SECISBP2: variants seen among roughly 807,000 people sequenced by gnomAD.
SECISBP2 encodes the protein selenocysteine insertion sequence-binding protein 2.
In SECISBP2, 96 loss-of-function variants were observed where a neutral mutation model predicts 98.2. The observed-to-expected ratio is 0.98, with a 90% CI of 0.83 to 1.16. The LOEUF is 1.16. SECISBP2 is among the 50% of genes most tolerant of loss of function. SECISBP2 has a pLI of 0.00. For missense variants in SECISBP2, 1,046 were observed against 1,022.9 expected (o/e 1.02, Z -0.31); for synonymous variants, 407 against 370.2 (o/e 1.10, Z -1.14).
intron 10 of SECISBP2, among the ~76,000 whole-genome samples, chr9:89,346,244 G>T (rs1830401096): frequency 6.6e-6 from 1 of 152,134 alleles, no homozygotes; most frequent in African/African-American, 2.4e-5. Flanking sequence ...ATTGAGATGG[G>T]AAATAGAACA....
intron 2 of SECISBP2, among the ~76,000 whole-genome samples, chr9:89,320,355 CAAA>C (rs776426275): frequency 3.0e-3 from 158 of 51,926 alleles, no homozygotes; most frequent in African/African-American, 9.2e-3. Flanking sequence ...GACTCTGTCT[CAAA>C]AAAAAAAAAA....
Position 89,346,944 on chromosome 9 carries a change from C to T in SECISBP2, c.1498C>T (p.Gln500Ter). The part of the protein sequence containing the change: ...ASGERGRRMS[Q>*]MKTPHNPLDS... ...AGGGGAGAGAGGCCGCCGCATGAGT[C>T]AAATGAAGACCCCGCACAATCCCTT... The change falls in exon 11 of 17, where the codon CAA becomes TAA. Residue 500 changes from glutamine to a stop codon, truncating the protein, a stop_gained. Transcript: ENST00000375807. LOFTEE classifies it high-confidence loss of function. The T allele has an allele frequency of 6.2e-7, 1 of 1,614,146 alleles. No individual in the cohort carries two copies. Among genetic ancestry groups the T allele is most frequent in the Non-Finnish European group, 8.5e-7 (1 of 1,180,034 alleles).
downstream of SECISBP2, chr9:89,363,685 T>G (rs1396545224): frequency 6.3e-7 from 1 of 1,595,248 alleles, no homozygotes; most frequent in African/African-American, 1.3e-5. Flanking sequence ...ACTGCCATTG[T>G]AAATAGTGAA....
At chr9:89,323,906 T>G (rs1388461813) in intron 2 of SECISBP2, 1 of 152,150 alleles carries the variant, frequency 6.6e-6, no homozygotes, top group Non-Finnish European at 1.5e-5. Context: ...GAAAACTGGA[T>G]TGTGATTGAG....
intron 13 of SECISBP2, among the ~76,000 whole-genome samples, chr9:89,350,298 G>T (rs749075108): frequency 1.3e-5 from 2 of 152,138 alleles, no homozygotes; most frequent in Non-Finnish European, 2.9e-5. Context: ...CTTCTCCCCT[G>T]CCCACTTTTC....
At chr9:89,359,877 T>TG (rs1832630491), downstream of SECISBP2, among the ~76,000 whole-genome samples, 1 of 152,324 alleles carries the variant, frequency 6.6e-6, no homozygotes, top group East Asian at 1.9e-4. Context: ...AACCTGCACT[T>TG]GCGTTTTCAC....
rs374023788 is a variant in SECISBP2 at position 89,318,584 on chromosome 9, C to A, written c.8C>A (p.Ser3Ter). The A allele has an allele frequency of 6.8e-7, 1 of 1,480,100 alleles. No homozygotes were observed. Among genetic ancestry groups the A allele is most frequent in the South Asian group, 1.3e-5 (1 of 77,700 alleles). The allele number at this position is 1,480,100 out of a possible 1,614,324, so 91.7% of individuals were successfully genotyped here. A position where few individuals can be genotyped will look rare whatever the true frequency, so the allele number is the denominator to read the frequency against. The change falls in exon 1 of 17, where the codon TCG becomes TAG. Residue 3 changes from serine to a stop codon, truncating the protein, a stop_gained. Transcript: ENST00000375807. LOFTEE classifies it high-confidence loss of function. The part of the protein sequence containing the change: MA[S>*]EGPREPESEG... The stretch of plus-strand genomic sequence containing the variant: ...TCCTCCGCGCCTCGCGGCATGGCGT[C>A]GGAGGGGCCGCGGGAGCCCGAAAGC...
At position 89,350,500 on chromosome 9, in the gene SECISBP2, G is replaced by A. The variant is rs887335486; in HGVS notation, c.1893-132G>A. On this transcript the variant is annotated intron_variant, in intron 13 of 16. Transcript: ENST00000375807. The stretch of plus-strand genomic sequence containing the variant: ...AATCATCAGGAATTCCACAGTTCTG[G>A]TTAGTAGTACTTGTTGAAACGTGAC... 23 of 822,556 alleles carry A rather than the reference G, an allele frequency of 2.8e-5. 1 individual carries two copies. The African/African-American group carries it at 3.0e-4, about 11-fold the overall frequency. The allele number at this position is 822,556 out of a possible 1,614,324, so 51.0% of individuals were successfully genotyped here.
At position 89,328,848 on chromosome 9, in the gene SECISBP2, C is replaced by G. The variant is rs763115509; in HGVS notation, c.763C>G (p.Leu255Val). ...VHSVSTDISLLREVVKPAAVL... is the reference protein window; with the variant it reads ...VHSVSTDISLVREVVKPAAVL... ...CTCTGTCTCTACCGACATTTCTCTT[C>G]TAAGAGAAGTAGTAAAACCAGCTGC... Residue 255 changes from leucine to valine, a missense_variant, in exon 5 of 17, where the codon CTA (leucine) becomes GTA (valine). Transcript: ENST00000375807. The G allele has an allele frequency of 1.9e-6, 3 of 1,614,058 alleles. No homozygotes were observed. The highest frequency in any genetic ancestry group is 2.5e-6 in the Non-Finnish European group (3 of 1,179,892).
downstream of SECISBP2, chr9:89,361,354 T>C (rs1165122663): frequency 2.0e-5 from 3 of 152,248 alleles, no homozygotes; most frequent in African/African-American, 7.2e-5. Context: ...ATTGTCACAC[T>C]GCTGGGAAGA....
chr9:89,357,485 A>G lies in SECISBP2; in HGVS notation c.2188A>G (p.Asn730Asp). Residue 730 changes from asparagine (N) to aspartate (D), a missense_variant, in exon 15 of 17, where the codon AAC becomes GAC. By Grantham distance (23) the Asn-to-Asp change is conservative. Coordinates refer to ENST00000375807, the MANE Select transcript of SECISBP2 (RefSeq NM_024077.5). ...EQNIPFVFAL[N>D]RKALGRSLNK... ...GAACATTCCCTTTGTGTTTGCTCTC[A>G]ACCGCAAAGCTCTGGGGCGCAGTTT... 6.2e-7 allele frequency: 1 copy of G among 1,614,240 alleles called. No individual in the cohort carries two copies. The highest frequency in any genetic ancestry group is 8.5e-7 in the Non-Finnish European group (1 of 1,180,046).
chr9:89,334,299 G>T (rs2131719827), intron 6 of SECISBP2: 1 of 1,002,588 alleles, frequency 1.0e-6, no homozygotes, highest in East Asian at 2.9e-5. Context: ...CAGTTTCCAG[G>T]AAAATTAACC....
chr9:89,352,156 T>C (rs1831370771), intron 14 of SECISBP2, among the ~76,000 whole-genome samples: 1 of 152,202 alleles, frequency 6.6e-6, no homozygotes, highest in Admixed American at 6.5e-5. Flanking sequence ...TGTTTTGTGG[T>C]GGTTGCTTAA....
intron 10 of SECISBP2, among the ~76,000 whole-genome samples, chr9:89,345,823 G>T (rs1462295071): frequency 6.6e-6 from 1 of 152,312 alleles, no homozygotes; most frequent in East Asian, 1.9e-4. Context: ...AAACAATTGA[G>T]CCAGTCACAT....
chr9:89,350,236 T>C (rs1181246082), intron 13 of SECISBP2, among the ~76,000 whole-genome samples: 3 of 152,218 alleles, frequency 2.0e-5, no homozygotes, highest in South Asian at 2.1e-4. Context: ...GTTTAATCTC[T>C]GTGTAATGTC....
chr9:89,362,529 A>G (rs974979918), downstream of SECISBP2: 13 of 1,597,574 alleles, frequency 8.1e-6, no homozygotes, highest in African/African-American at 1.6e-4. Flanking sequence ...CAGAGCACTC[A>G]AGGCCTCAGC....
At position 89,328,784 on chromosome 9, in the gene SECISBP2, G is replaced by A. The variant is rs143420456; in HGVS notation, c.699G>A (p.Met233Ile). The A allele has an allele frequency of 2.8e-4, 449 of 1,614,184 alleles. 2 individuals are homozygous for A. In the African/African-American group the frequency reaches 3.2e-3, roughly 12 times the overall value. ...FPELQGAENN[M>I]SEIQKQPKWG... ...AACTGCAAGGTGCAGAGAACAATAT[G>A]TCAGAGATACAGAAGCAACCCAAGT... The change falls in exon 5 of 17, where the codon ATG (methionine) becomes ATA (isoleucine). Residue 233 changes from methionine (M) to isoleucine (I), a missense_variant. Physicochemically the swap from Met to Ile is conservative, Grantham distance 10 (BLOSUM62 1). Transcript: ENST00000375807.
At chr9:89,362,395 C>G, downstream of SECISBP2, 3 of 1,614,090 alleles carry the variant, frequency 1.9e-6, no homozygotes, top group Non-Finnish European at 2.5e-6. Flanking sequence ...GGACTCCTTC[C>G]TGGTGGCTAC....
At chr9:89,364,898 G>C in the SECISBP2 span, 1 of 130,974 alleles carries the variant, frequency 7.6e-6, no homozygotes, top group South Asian at 2.4e-4. Flanking sequence ...GACACTATTT[G>C]TTCCAGGTGG....
Sources: gnomAD v4.1 joint callset for allele counts (sites outside exome capture counted in the v4.1 genomes callset) on GRCh38, gnomAD v4.1.1 for gene constraint, MANE v1.5 for transcripts, NCBI Gene and HGNC (gene_info 2026-07-23, HGNC 2026-07-21) for gene names.